The following ERC2 variants were observed in gnomAD, a reference collection of about 807,000 sequenced individuals.
ERC2 encodes ELKS/RAB6-interacting/CAST family member 2.
Under a neutral mutation model 114.8 loss-of-function variants are expected in ERC2, and 42 were observed. That is an observed-to-expected ratio of 0.37 (90% CI 0.29 to 0.47). The LOEUF (loss-of-function observed/expected upper bound fraction) is 0.47. Ranked by LOEUF, ERC2 falls within the 20% of genes least tolerant of loss-of-function variation. The pLI is 0.99. For synonymous variants in ERC2, 454 were observed against 425.5 expected, an observed-to-expected ratio of 1.07 and a Z score of -0.82; for missense variants, 939 against 1,150.7, an observed-to-expected ratio of 0.82 and a Z score of 2.66.
At chr3:56,061,249 A>G (rs2076231596) in intron 7 of ERC2, among the ~76,000 whole-genome samples, 1 of 152,236 alleles carries the variant, frequency 6.6e-6, no homozygotes, top group Non-Finnish European at 1.5e-5. Context: ...CCTGTGCTCT[A>G]TAAGACAATT....
At chr3:55,603,973 AC>A (rs200379094) in intron 17 of ERC2, among the ~76,000 whole-genome samples, 7 of 149,810 alleles carry the variant, frequency 4.7e-5, no homozygotes, top group East Asian at 2.0e-4. Flanking sequence ...AGATGATTTC[AC>A]CCCCCCCAGC....
chr3:55,683,279 T>A (rs1425705899), intron 17 of ERC2, among the ~76,000 whole-genome samples: 2 of 152,206 alleles, frequency 1.3e-5, no homozygotes, highest in Admixed American at 1.3e-4. Flanking sequence ...ATAGAAGAGA[T>A]AGCACAATCC....
chr3:55,904,890 G>C (rs778135680), intron 13 of ERC2, among the ~76,000 whole-genome samples: 3 of 152,154 alleles, frequency 2.0e-5, no homozygotes, highest in Non-Finnish European at 4.4e-5. Flanking sequence ...CCGTTTTCAC[G>C]GTCATTCCTG....
intron 15 of ERC2, among the ~76,000 whole-genome samples, chr3:55,734,161 G>A (rs1262920161): frequency 6.6e-6 from 1 of 152,130 alleles, no homozygotes; most frequent in East Asian, 1.9e-4. Flanking sequence ...AAATACAGTG[G>A]CCTAGAGGGG....
intron 14 of ERC2, among the ~76,000 whole-genome samples, chr3:55,832,705 C>G (rs1399112659): frequency 6.6e-6 from 1 of 152,232 alleles, no homozygotes; most frequent in East Asian, 1.9e-4. Flanking sequence ...GAGCGCCTCT[C>G]CTCCTTCAAA....
At chr3:56,295,889 A>T in intron 3 of ERC2, 130 bp downstream of exon 3, 1 of 974,004 alleles carries the variant, frequency 1.0e-6, no homozygotes, top group Non-Finnish European at 1.5e-6. Context: ...AGCCGGCAGG[A>T]AGGTCATAAA....
At chr3:55,674,400 T>C (rs917083952) in intron 17 of ERC2, among the ~76,000 whole-genome samples, 2 of 152,200 alleles carry the variant, frequency 1.3e-5, no homozygotes, top group Non-Finnish European at 2.9e-5. Flanking sequence ...GCAAGATATA[T>C]ACTGAAAAGT....
At chr3:56,006,903 G>A (rs2072536463) in intron 10 of ERC2, among the ~76,000 whole-genome samples, 1 of 152,010 alleles carries the variant, frequency 6.6e-6, no homozygotes, top group Admixed American at 6.6e-5. Context: ...GATTTGCCCA[G>A]AGAGTAATGG....
chr3:56,424,059 C>A (rs1189949278), intron 2 of ERC2, among the ~76,000 whole-genome samples: 1 of 152,184 alleles, frequency 6.6e-6, no homozygotes, highest in Non-Finnish European at 1.5e-5. Context: ...TCTGCTTTGG[C>A]CTGTAAAATC....
At chr3:56,173,190 T>C (rs2082774335) in intron 4 of ERC2, among the ~76,000 whole-genome samples, 1 of 152,196 alleles carries the variant, frequency 6.6e-6, no homozygotes, top group Non-Finnish European at 1.5e-5. Flanking sequence ...GGATTAGACA[T>C]GCTTTGAAAA....
intron 3 of ERC2, among the ~76,000 whole-genome samples, chr3:56,216,669 C>T (rs1379341753): frequency 6.6e-6 from 1 of 152,122 alleles, no homozygotes; most frequent in Admixed American, 6.5e-5. Context: ...GATACCAAAG[C>T]CTGGCAGAGA....
chr3:55,950,397 G>A (rs911730806), intron 13 of ERC2, 28 bp downstream of exon 13: 8 of 1,610,902 alleles, frequency 5.0e-6, no homozygotes, highest in Non-Finnish European at 5.9e-6. Context: ...TAGTTATTTA[G>A]CGATTAAGAA....
chr3:55,956,443 C>A (rs2067959625), intron 12 of ERC2, among the ~76,000 whole-genome samples: 1 of 121,702 alleles, frequency 8.2e-6, no homozygotes, highest in Non-Finnish European at 1.7e-5. Context: ...GAGATTATTT[C>A]ATTTTTTTTT....
At chr3:55,996,771 G>A (rs1298566351) in intron 10 of ERC2, among the ~76,000 whole-genome samples, 2 of 152,158 alleles carry the variant, frequency 1.3e-5, no homozygotes, top group African/African-American at 4.8e-5. Flanking sequence ...ACCATGGCTT[G>A]GGATGAGCAG....
intron 3 of ERC2, among the ~76,000 whole-genome samples, chr3:56,293,239 G>T (rs757576076): frequency 6.6e-6 from 1 of 152,174 alleles, no homozygotes; most frequent in Non-Finnish European, 1.5e-5. Flanking sequence ...GGGGAACCGT[G>T]AGTGGTTAAT....
intron 3 of ERC2, among the ~76,000 whole-genome samples, chr3:56,268,440 C>A (rs1022436051): frequency 6.6e-6 from 1 of 151,704 alleles, no homozygotes; most frequent in Non-Finnish European, 1.5e-5. Flanking sequence ...TATATTTATA[C>A]AATAAAAATA....
chr3:56,414,911 G>T (rs2061090906), intron 2 of ERC2, among the ~76,000 whole-genome samples: 1 of 152,120 alleles, frequency 6.6e-6, no homozygotes, highest in South Asian at 2.1e-4. Context: ...AACTAAAAAT[G>T]TACATCTGTC....
At chr3:55,835,335 T>C (rs1180220377) in intron 14 of ERC2, among the ~76,000 whole-genome samples, 2 of 152,162 alleles carry the variant, frequency 1.3e-5, no homozygotes, top group Admixed American at 1.3e-4. Context: ...TTGATGAACA[T>C]TGATGCAAAA....
chr3:55,687,285 A>T (rs1017996431), intron 16 of ERC2, among the ~76,000 whole-genome samples: 2 of 152,172 alleles, frequency 1.3e-5, no homozygotes, highest in Non-Finnish European at 2.9e-5. Context: ...ATAATCTGAC[A>T]TGATAAATGA....
Sources: gnomAD v4.1 joint callset for allele counts (sites outside exome capture counted in the v4.1 genomes callset) on GRCh38, gnomAD v4.1.1 for gene constraint, MANE v1.5 for transcripts, NCBI Gene and HGNC (gene_info 2026-07-23, HGNC 2026-07-21) for gene names.